The following EPAS1 variants were observed in gnomAD, a reference collection of about 807,000 sequenced individuals.
EPAS1 encodes the protein endothelial PAS domain-containing protein 1.
EPAS1 carries 23 observed loss-of-function variants against 87.9 expected under a neutral mutation model. That is an observed-to-expected ratio of 0.26 (90% CI 0.19 to 0.37). The LOEUF is 0.37. Ranked by LOEUF, EPAS1 falls within the 10% of genes least tolerant of loss-of-function variation. The pLI is 1.00. For missense variants in EPAS1, 1,138 were observed against 1,120.7 expected, an observed-to-expected ratio of 1.02 and a Z score of -0.22; for synonymous variants, 508 against 444.3, an observed-to-expected ratio of 1.14 and a Z score of -1.80.
chr2:46,336,452 G>A (rs947178793), intron 1 of EPAS1, among the ~76,000 whole-genome samples: 26 of 152,158 alleles, frequency 1.7e-4, no homozygotes, highest in Admixed American at 9.8e-4. Context: ...AAGAAGTAGG[G>A]CTTGGGCTGG....
At chr2:46,358,531 T>TA (rs1684316497) in intron 4 of EPAS1, among the ~76,000 whole-genome samples, 1 of 152,228 alleles carries the variant, frequency 6.6e-6, no homozygotes, top group Non-Finnish European at 1.5e-5. Flanking sequence ...CCACTGACCA[T>TA]AGTCTGAGTT....
Position 46,369,902 on chromosome 2 carries a change from C to T in EPAS1, c.855C>T (p.Asp285=), listed in dbSNP as rs778558626. The T allele has an allele frequency of 6.2e-7, 1 of 1,612,434 alleles. No individual in the cohort carries two copies. The highest frequency in any genetic ancestry group is 8.5e-7 in the Non-Finnish European group (1 of 1,179,270). The change falls in exon 7 of 16, where the codon GAC becomes GAT. Residue 285 remains aspartate, a synonymous_variant. Transcript: ENST00000263734. Reference sequence around the variant, plus strand: ...CCTATGAATTCTACCATGCGCTAGACTCCGAGAACATGACCAAGAGTCACC... The same window carrying T: ...CCTATGAATTCTACCATGCGCTAGATTCCGAGAACATGACCAAGAGTCACC... The part of the protein sequence containing the change: ...RSAYEFYHAL[D]SENMTKSHQN...
Position 46,297,829 on chromosome 2 carries a change from G to A in EPAS1, c.-83G>A, listed in dbSNP as rs989810564. On this transcript the variant is annotated 5_prime_UTR_variant, in exon 1 of 16. Transcript: ENST00000263734. ...CCTTCACCACCCGCCCGGGCCGCGG[G>A]GAGCGGACGAGGGCCACAGCCCCCC... The A allele has an allele frequency of 3.2e-6, 5 of 1,555,288 alleles. No individual in the cohort carries two copies. The highest frequency in any genetic ancestry group is 4.4e-6 in the Non-Finnish European group (5 of 1,147,680).
At chr2:46,345,184 T>A (rs1462914711) in intron 1 of EPAS1, among the ~76,000 whole-genome samples, 5 of 152,334 alleles carry the variant, frequency 3.3e-5, no homozygotes, top group African/African-American at 1.2e-4. Context: ...CTCACTATAT[T>A]GCCCGGGCTG....
At position 46,381,696 on chromosome 2, in the gene EPAS1, G is replaced by A; in HGVS notation, c.2146G>A (p.Glu716Lys). 1 of 1,613,980 alleles carries A rather than the reference G, an allele frequency of 6.2e-7. No individual in the cohort carries two copies. The highest frequency in any genetic ancestry group is 2.2e-5 in the East Asian group (1 of 44,886). ...LKLKRQLEYEEQAFQDLSGGD... is the reference protein window; with the variant it reads ...LKLKRQLEYEKQAFQDLSGGD... ...GCTGAAGCGACAGCTGGAGTATGAA[G>A]AGCAAGCCTTCCAGGACCTGAGCGG... The change falls in exon 13 of 16, where the codon GAG becomes AAG. Residue 716 changes from glutamate (E) to lysine (K), a missense_variant. This residue lies in a region of EPAS1 where 502 missense variants were observed against 427.1 expected (regional missense o/e 1.18). Coordinates refer to ENST00000263734, the MANE Select transcript of EPAS1 (RefSeq NM_001430.5).
intron 7 of EPAS1, among the ~76,000 whole-genome samples, chr2:46,370,256 T>G (rs187000338): frequency 5.9e-5 from 9 of 152,348 alleles, no homozygotes; most frequent in African/African-American, 2.2e-4. Flanking sequence ...GTCAGTGGTT[T>G]GCACACCTTG....
chr2:46,373,001 C>T (rs188308532), intron 7 of EPAS1, among the ~76,000 whole-genome samples: 1 of 152,190 alleles, frequency 6.6e-6, no homozygotes, highest in Non-Finnish European at 1.5e-5. Flanking sequence ...GTTTGGTCTT[C>T]CCAGTGATTT....
intron 2 of EPAS1, 24 bp from the exon 3 acceptor site, chr2:46,356,127 T>TGGGGGGGGGGGGGGGGGGGGGCGGGGGG: frequency 7.2e-7 from 1 of 1,395,472 alleles, no homozygotes; most frequent in Non-Finnish European, 9.9e-7. Context: ...TCATGCAAGC[T>TGGGGGGGGGGGGGGGGGGGGGCGGGGGG]GTCCCACCCC....
chr2:46,308,888 C>T (rs558892653), intron 1 of EPAS1, among the ~76,000 whole-genome samples: 15 of 152,162 alleles, frequency 9.9e-5, no homozygotes, highest in Non-Finnish European at 1.9e-4. Context: ...ATTGGTTACC[C>T]CTGTGTTTAT....
chr2:46,360,772 G>T lies in EPAS1; in HGVS notation c.573+16G>T. On this transcript the variant is annotated intron_variant, in intron 5 of 15. Coordinates refer to ENST00000263734, the MANE Select transcript of EPAS1 (RefSeq NM_001430.5). This position sits in a 1 kb window ranked among gnomAD's most constrained non-coding sequence, Gnocchi z 4.5. ...CACCTGGAAGGTAGGGCAACATCAGGCCTGGGTTGGAGTCCCAGGTGTAGG... is the reference window on the plus strand; with the variant it reads ...CACCTGGAAGGTAGGGCAACATCAGTCCTGGGTTGGAGTCCCAGGTGTAGG... 1 of 1,613,546 alleles carries T rather than the reference G, an allele frequency of 6.2e-7. No homozygotes were observed. Among genetic ancestry groups the T allele is most frequent in the Non-Finnish European group, 8.5e-7 (1 of 1,179,528 alleles).
chr2:46,319,728 C>T (rs1683415540), intron 1 of EPAS1, among the ~76,000 whole-genome samples: 1 of 152,096 alleles, frequency 6.6e-6, no homozygotes, highest in South Asian at 2.1e-4. Context: ...TGCTTATTTT[C>T]TTTGATTCAT....
At chr2:46,303,449 A>G (rs1035069400) in intron 1 of EPAS1, among the ~76,000 whole-genome samples, 71 of 152,276 alleles carry the variant, frequency 4.7e-4, no homozygotes, top group African/African-American at 1.6e-3. Flanking sequence ...GGCCCCTGAA[A>G]TGGAATGTTT....
intron 2 of EPAS1, 94 bp from the exon 3 acceptor site, chr2:46,356,057 C>T (rs1572635624): frequency 2.1e-6 from 3 of 1,407,780 alleles, no homozygotes; most frequent in Non-Finnish European, 3.0e-6. Flanking sequence ...CACCCAATGC[C>T]TTTGCACCAT....
intron 1 of EPAS1, among the ~76,000 whole-genome samples, chr2:46,306,349 G>A (rs903726625): frequency 1.3e-5 from 2 of 152,130 alleles, no homozygotes; most frequent in Non-Finnish European, 2.9e-5. Flanking sequence ...TTTATATTTG[G>A]GAAATGGAGG....
chr2:46,358,263 T>A (rs1460735029), intron 4 of EPAS1, among the ~76,000 whole-genome samples: 1 of 152,186 alleles, frequency 6.6e-6, no homozygotes, highest in African/African-American at 2.4e-5. Flanking sequence ...CTCACCCAGC[T>A]CCTCTGCTCT....
At chr2:46,367,513 T>C (rs1684527833) in intron 6 of EPAS1, among the ~76,000 whole-genome samples, 1 of 152,252 alleles carries the variant, frequency 6.6e-6, no homozygotes, top group Non-Finnish European at 1.5e-5. Context: ...CCAGCACTGT[T>C]CTGTCTCCTT....
chr2:46,374,195 G>C (rs955340957), intron 7 of EPAS1, among the ~76,000 whole-genome samples: 1 of 152,218 alleles, frequency 6.6e-6, no homozygotes, highest in African/African-American at 2.4e-5. Flanking sequence ...AGTATGAAGA[G>C]AGCCATGTTC....
intron 8 of EPAS1, 146 bp from the exon 9 acceptor site, chr2:46,376,393 T>A: frequency 1.3e-6 from 1 of 781,040 alleles, no homozygotes; most frequent in Non-Finnish European, 2.3e-6. Context: ...ACACTTCTAT[T>A]GTATGGTTCT....
At chr2:46,379,448 A>G (rs974163630) in intron 11 of EPAS1, among the ~76,000 whole-genome samples, 4 of 152,092 alleles carry the variant, frequency 2.6e-5, no homozygotes, top group African/African-American at 9.7e-5. Context: ...AACATGCCCA[A>G]TTTTAGCTTT....
Sources: gnomAD v4.1 joint callset for allele counts (sites outside exome capture counted in the v4.1 genomes callset) on GRCh38, gnomAD v4.1.1 for gene constraint, gnomAD v4.1.1 regional missense constraint, Gnocchi (gnomAD v3.1) non-coding constraint, MANE v1.5 for transcripts, NCBI Gene and HGNC (gene_info 2026-07-23, HGNC 2026-07-21) for gene names.